Variants in MRPL37 observed in about 807,000 individuals in gnomAD.
The protein encoded by MRPL37 is mitochondrial ribosomal protein L37.
Under a neutral mutation model 44.1 loss-of-function variants are expected in MRPL37, and 34 were observed. The ratio of observed to expected loss-of-function variants is 0.77; its 90% CI spans 0.59 to 1.03. The LOEUF is 1.03. MRPL37 is among the 50% of genes least tolerant of loss of function. MRPL37 has a pLI of 0.00. For missense variants in MRPL37, 532 were observed against 543.7 expected (o/e 0.98, Z 0.21); for synonymous variants, 212 against 219.5 (o/e 0.97, Z 0.30).
At chr1:54,213,554 T>C (rs1452181724) in intron 5 of MRPL37, among the ~76,000 whole-genome samples, 2 of 151,904 alleles carry the variant, frequency 1.3e-5, no homozygotes, top group African/African-American at 2.4e-5. Context: ...ATTTAGGGTT[T>C]TTATTAAAAA....
chr1:54,208,357 A>G (rs1235373170), intron 3 of MRPL37, among the ~76,000 whole-genome samples: 3 of 152,008 alleles, frequency 2.0e-5, no homozygotes, highest in Non-Finnish European at 4.4e-5. Context: ...CCTGGCTATC[A>G]CGGTGAAACC....
In MRPL37 at chr1:54,210,137, G is replaced by A. The variant is rs373459952; in HGVS notation, c.832+6G>A. The A allele has an allele frequency of 6.8e-6, 11 of 1,612,268 alleles. No homozygotes were observed. The African/African-American group carries it at 1.1e-4, about 16-fold the overall frequency. ...TGATGTGAAAAATGACACAGGTAAG[G>A]ATCAATGTCTTGGACTTTTAGGCAG... On this transcript the variant is annotated splice_donor_region_variant and intron_variant, in intron 4 of 6. Transcript: ENST00000360840.
chr1:54,216,465 C>T (rs563451271), intron 6 of MRPL37, 121 bp downstream of exon 6: 1 of 1,154,654 alleles, frequency 8.7e-7, no homozygotes, highest in Non-Finnish European at 1.2e-6. Context: ...GGACTTCCCA[C>T]CCGGGATCTC....
chr1:54,202,004 CTT>C (rs772612874), intron 1 of MRPL37, among the ~76,000 whole-genome samples: 19 of 141,050 alleles, frequency 1.3e-4, no homozygotes, highest in Non-Finnish European at 1.7e-4. Context: ...CCAGAAGTTA[CTT>C]TTTTTTTTTT....
intron 6 of MRPL37, among the ~76,000 whole-genome samples, chr1:54,217,579 T>A (rs1453820393): frequency 6.6e-6 from 1 of 152,242 alleles, no homozygotes; most frequent in African/African-American, 2.4e-5. Context: ...TTCTATTGCA[T>A]GTGCTGGGCT....
chr1:54,219,485 G>A (rs1454158058), downstream of MRPL37, among the ~76,000 whole-genome samples: 6 of 152,354 alleles, frequency 3.9e-5, no homozygotes, highest in East Asian at 1.2e-3. Context: ...TGGAAGTGGG[G>A]AGGCCGGAGG....
chr1:54,224,241 C>T (rs1314310558), downstream of MRPL37, among the ~76,000 whole-genome samples: 1 of 152,208 alleles, frequency 6.6e-6, no homozygotes, highest in African/African-American at 2.4e-5. Context: ...TCCAATAGTT[C>T]AAAGGTGTCT....
At chr1:54,212,741 G>A in intron 5 of MRPL37, 83 bp downstream of exon 5, 1 of 1,551,356 alleles carries the variant, frequency 6.4e-7, no homozygotes, top group South Asian at 1.2e-5. Context: ...GGAAGAAAAG[G>A]GATATAGGGG....
intron 1 of MRPL37, among the ~76,000 whole-genome samples, chr1:54,203,433 C>T (rs947811658): frequency 5.5e-5 from 8 of 144,840 alleles, no homozygotes; most frequent in East Asian, 2.0e-4. Context: ...GATAATACAA[C>T]AAAAATTCAT....
Position 54,200,596 on chromosome 1 carries a change from C to G in MRPL37, c.346+7C>G, listed in dbSNP as rs1644072613. On this transcript the variant is annotated splice_region_variant and intron_variant, in intron 1 of 6. Coordinates refer to ENST00000360840, the MANE Select transcript of MRPL37 (RefSeq NM_016491.4). ...CGTTGCCGCCTTCTCGAGGGTGAGG[C>G]CCCAGGACGGGCGGCAAGGGACCGT... is the stretch of plus-strand genomic sequence containing the variant. 6.3e-7 allele frequency: 1 copy of G among 1,583,804 alleles called. No individual in the cohort carries two copies. The highest frequency in any genetic ancestry group is 1.1e-5 in the South Asian group (1 of 87,362).
intron 6 of MRPL37, 149 bp downstream of exon 6, chr1:54,216,493 C>A: frequency 3.4e-6 from 3 of 894,890 alleles, no homozygotes; most frequent in Non-Finnish European, 5.1e-6. Context: ...AGGACTCCTT[C>A]AGTCCCGCCC....
chr1:54,225,102 G>GAGGA, downstream of MRPL37: 2 of 1,234,310 alleles, frequency 1.6e-6, no homozygotes, highest in Non-Finnish European at 2.0e-6. Flanking sequence ...AGGGCACCAG[G>GAGGA]AGGAACCTTT....
chr1:54,222,100 T>C (rs781295303), downstream of MRPL37, among the ~76,000 whole-genome samples: 1 of 152,228 alleles, frequency 6.6e-6, no homozygotes, highest in Non-Finnish European at 1.5e-5. Context: ...AACATCCAGT[T>C]ATTCCAAGAG....
chr1:54,224,754 A>G (rs998841372), downstream of MRPL37, among the ~76,000 whole-genome samples: 4 of 152,014 alleles, frequency 2.6e-5, no homozygotes, highest in African/African-American at 9.6e-5. Flanking sequence ...CATCCATAGC[A>G]GCTTACCTCA....
chr1:54,201,676 A>G (rs964473074), intron 1 of MRPL37, among the ~76,000 whole-genome samples: 50 of 152,176 alleles, frequency 3.3e-4, no homozygotes, highest in African/African-American at 1.2e-3. Flanking sequence ...GATGTTCTTT[A>G]GGGTAGACAT....
chr1:54,210,371 T>C (rs1308446269), intron 4 of MRPL37, among the ~76,000 whole-genome samples: 1 of 152,184 alleles, frequency 6.6e-6, no homozygotes, highest in Non-Finnish European at 1.5e-5. Flanking sequence ...CTTTTTACCT[T>C]GGAGAAGTAA....
chr1:54,223,968 C>T (rs1319398110), downstream of MRPL37, among the ~76,000 whole-genome samples: 1 of 152,202 alleles, frequency 6.6e-6, no homozygotes, highest in South Asian at 2.1e-4. Context: ...AAGGCAACTG[C>T]CAGGCTGCCG....
intron 4 of MRPL37, among the ~76,000 whole-genome samples, chr1:54,211,509 G>A (rs3766460): frequency 0.39 from 57,902 of 149,838 alleles, 11,426 homozygotes; most frequent in Middle Eastern, 0.57. Context: ...TTCTTTCCCT[G>A]AGACAGGGTC....
At chr1:54,209,534 A>T (rs1220670158) in intron 3 of MRPL37, among the ~76,000 whole-genome samples, 1 of 148,238 alleles carries the variant, frequency 6.7e-6, no homozygotes, top group Non-Finnish European at 1.5e-5. Context: ...ATCTCAGCTC[A>T]CTGCAAGCTC....
Sources: gnomAD v4.1 joint callset for allele counts (sites outside exome capture counted in the v4.1 genomes callset) on GRCh38, gnomAD v4.1.1 for gene constraint, MANE v1.5 for transcripts, NCBI Gene and HGNC (gene_info 2026-07-23, HGNC 2026-07-21) for gene names.